PNPLA3: variants seen among roughly 807,000 people sequenced by gnomAD.
PNPLA3 encodes 1-acylglycerol-3-phosphate O-acyltransferase PNPLA3.
In PNPLA3, 42 loss-of-function variants were observed where a neutral mutation model predicts 43.1. The ratio of observed to expected loss-of-function variants is 0.97; its 90% CI spans 0.76 to 1.26. The LOEUF is 1.26. Ranked by LOEUF, PNPLA3 falls within the 50% of genes most tolerant of loss-of-function variation. PNPLA3 has a pLI of 0.00. For synonymous variants in PNPLA3, 272 were observed against 253.6 expected (o/e 1.07, Z -0.69); for missense variants, 647 against 621.4 (o/e 1.04, Z -0.44).
intron 8 of PNPLA3, 143 bp from the exon 9 acceptor site, chr22:43,946,011 A>G (rs145852800): frequency 2.6e-6 from 2 of 769,154 alleles, no homozygotes; most frequent in Non-Finnish European, 2.2e-6. Context: ...GAGGGCTAGA[A>G]GAAGCTGTGT....
At chr22:43,933,127 C>G (rs2049972743) in intron 4 of PNPLA3, 40 bp downstream of exon 4, 1 of 1,562,262 alleles carries the variant, frequency 6.4e-7, no homozygotes, top group African/African-American at 1.4e-5. Flanking sequence ...TGGGGTGCAG[C>G]TCTTCTTTGC....
chr22:43,933,535 G>A (rs1198120828), intron 4 of PNPLA3, among the ~76,000 whole-genome samples: 1 of 152,024 alleles, frequency 6.6e-6, no homozygotes, highest in African/African-American at 2.4e-5. Flanking sequence ...CCACAGGCAT[G>A]CAGCACCACA....
intron 2 of PNPLA3, 68 bp from the exon 3 acceptor site, chr22:43,928,756 C>G (rs2146776156): frequency 6.9e-7 from 1 of 1,446,966 alleles, no homozygotes; most frequent in Non-Finnish European, 9.6e-7. Context: ...TTGGAGAAAG[C>G]TTATGAAGGA....
chr22:43,936,019 C>A lies in PNPLA3; in HGVS notation c.758-1032C>A, dbSNP rs1033769523. Among the ~76,000 whole-genome samples the A allele has an allele frequency of 8.7e-4, 132 of 152,086 alleles. 1 individual carries two copies. The highest frequency in any genetic ancestry group is 8.4e-3 in the Admixed American group (128 of 15,264). On this transcript the variant is annotated intron_variant, in intron 5 of 8. Transcript: ENST00000216180. Reference sequence around the variant, plus strand: ...CCAGGGGAATAGGACTTGGAAATGACCGATGGGACATTTGGGAAGAGGAAG... The same window carrying A: ...CCAGGGGAATAGGACTTGGAAATGAACGATGGGACATTTGGGAAGAGGAAG...
intron 2 of PNPLA3, among the ~76,000 whole-genome samples, chr22:43,927,389 G>A (rs2049931216): frequency 6.6e-6 from 1 of 152,054 alleles, no homozygotes; most frequent in African/African-American, 2.4e-5. Flanking sequence ...CTACTAGGGA[G>A]GCTGAGGCAG....
intron 4 of PNPLA3, among the ~76,000 whole-genome samples, chr22:43,933,480 G>A (rs1340729613): frequency 6.6e-6 from 1 of 152,128 alleles, no homozygotes; most frequent in Admixed American, 6.5e-5. Context: ...TCAGACTCCT[G>A]GGTTCAAGCA....
chr22:43,925,277 AC>A (rs1237501042), intron 1 of PNPLA3, among the ~76,000 whole-genome samples: 2 of 151,936 alleles, frequency 1.3e-5, no homozygotes, highest in African/African-American at 4.8e-5. Context: ...CCATGTGGGT[AC>A]CTGTGTGTGT....
intron 7 of PNPLA3, among the ~76,000 whole-genome samples, chr22:43,943,284 G>A (rs1275684029): frequency 2.0e-5 from 3 of 151,138 alleles, no homozygotes; most frequent in Admixed American, 6.6e-5. Flanking sequence ...TATTCTGGGC[G>A]TGTTCTTGGT....
At chr22:43,932,836 G>C (rs2049969932) in intron 3 of PNPLA3, 42 bp from the exon 4 acceptor site, 1 of 1,585,436 alleles carries the variant, frequency 6.3e-7, no homozygotes, top group Non-Finnish European at 8.7e-7. Flanking sequence ...CACTAACCCA[G>C]AGCTTCAGAC....
At chr22:43,936,865 T>G (rs184350033) in intron 5 of PNPLA3, among the ~76,000 whole-genome samples, 186 bp from the exon 6 acceptor site, 101 of 152,320 alleles carry the variant, frequency 6.6e-4, no homozygotes, top group Non-Finnish European at 1.2e-3. Context: ...GTGTCCTGCT[T>G]TAAAGCCCCA....
intron 3 of PNPLA3, among the ~76,000 whole-genome samples, chr22:43,931,335 A>C (rs915882580): frequency 6.6e-6 from 1 of 152,280 alleles, no homozygotes; most frequent in Non-Finnish European, 1.5e-5. Context: ...GCACCACTGG[A>C]GCTCCTAAAT....
rs748381775 is a variant in PNPLA3 at position 43,933,020 on chromosome 22, T to C, written c.629T>C (p.Leu210Pro). 8 of 1,614,008 alleles carry C rather than the reference T, an allele frequency of 5.0e-6. No homozygotes were observed. The East Asian group carries it at 1.6e-4, about 31-fold the overall frequency. ...TNFLHVDITK[L>P]SLRLCTGNLY... ...TTTCTTCATGTGGACATCACCAAGC[T>C]CAGTCTACGCCTCTGCACAGGGAAC... Residue 210 changes from leucine (L) to proline (P), a missense_variant, in exon 4 of 9, where the codon CTC becomes CCC. Physicochemically the swap from Leu to Pro is moderately conservative, Grantham distance 98. Transcript: ENST00000216180.
At chr22:43,941,148 CAAAAAAAAA>C (rs577344067) in intron 7 of PNPLA3, among the ~76,000 whole-genome samples, 77 of 79,912 alleles carry the variant, frequency 9.6e-4, no homozygotes, top group African/African-American at 3.7e-3. Context: ...AACTCCGACT[CAAAAAAAAA>C]AAAAAAAAAA....
At chr22:43,938,386 TAAAG>T (rs1336460691) in intron 6 of PNPLA3, among the ~76,000 whole-genome samples, 2 of 152,122 alleles carry the variant, frequency 1.3e-5, no homozygotes, top group South Asian at 2.1e-4. Context: ...GGGTAACTCA[TAAAG>T]AAAGAGGTTG....
rs201650776 is a variant in PNPLA3 at position 43,946,158 on chromosome 22, C to G, written c.1222C>G (p.Gln408Glu). Residue 408 changes from glutamine to glutamate, a missense_variant, in exon 9 of 9, where the codon CAA (glutamine) becomes GAA (glutamate). By Grantham distance (29) the Gln-to-Glu change is conservative. Transcript: ENST00000216180. ...AACTTCCTCCATGTGTTTCAGGTCC[C>G]AAATGCCAGTGAGCAGCCAACAGGC... is the stretch of plus-strand genomic sequence containing the variant. Reference protein sequence around the residue: ...LMCLLPASRSQMPVSSQQASP... With the variant: ...LMCLLPASRSEMPVSSQQASP... The G allele has an allele frequency of 6.2e-7, 1 of 1,612,410 alleles. No individual in the cohort carries two copies. The highest frequency in any genetic ancestry group is 8.5e-7 in the Non-Finnish European group (1 of 1,178,676).
intron 8 of PNPLA3, 119 bp downstream of exon 8, chr22:43,944,914 G>A: frequency 1.2e-6 from 1 of 865,594 alleles, no homozygotes; most frequent in Non-Finnish European, 1.9e-6. Context: ...GCCCTTGGGT[G>A]TGGGGACCCT....
chr22:43,927,217 G>A, intron 2 of PNPLA3, 50 bp downstream of exon 2: 2 of 1,553,472 alleles, frequency 1.3e-6, no homozygotes, highest in Non-Finnish European at 1.8e-6. Flanking sequence ...AGCTGTTTTG[G>A]GATGGGTGTG....
intron 4 of PNPLA3, among the ~76,000 whole-genome samples, chr22:43,933,776 T>A (rs138585260): frequency 6.6e-6 from 1 of 152,182 alleles, no homozygotes; most frequent in South Asian, 2.1e-4. Context: ...CACTCTACCA[T>A]AGTAAGAAAT....
rs561734658 is a variant in PNPLA3 at position 43,932,367 on chromosome 22, G to A, written c.487-511G>A. Among the ~76,000 whole-genome samples the A allele has an allele frequency of 4.1e-4, 62 of 152,258 alleles. 1 individual carries two copies. Among genetic ancestry groups the A allele is most frequent in the African/African-American group, 1.4e-3 (60 of 41,544 alleles). On this transcript the variant is annotated intron_variant, in intron 3 of 8. Coordinates refer to ENST00000216180, the MANE Select transcript of PNPLA3 (RefSeq NM_025225.3). Reference sequence around the variant, plus strand: ...GTGTTGGTTCTAATTGTCAAAGCATGGGGGGAGATGGGCTCATGGGTTAAA... The same window carrying A: ...GTGTTGGTTCTAATTGTCAAAGCATAGGGGGAGATGGGCTCATGGGTTAAA...
Sources: allele counts gnomAD v4.1 joint callset (sites outside exome capture counted in the v4.1 genomes callset), GRCh38; gene constraint gnomAD v4.1.1; transcripts MANE v1.5; gene names NCBI Gene and HGNC (gene_info 2026-07-23, HGNC 2026-07-21).